MECOM: variants seen among roughly 807,000 people sequenced by gnomAD.
MECOM encodes MDS1 and EVI1 complex locus, also known as histone-lysine N-methyltransferase MECOM.
MECOM carries 13 observed loss-of-function variants against 116.3 expected under a neutral mutation model. The observed-to-expected ratio is 0.11, with a 90% confidence interval of 0.07 to 0.18. The LOEUF (loss-of-function observed/expected upper bound fraction) is 0.18. Among genes scored for constraint, MECOM ranks in the 10% least tolerant of loss-of-function variants. The pLI is 1.00. For synonymous variants in MECOM, 528 were observed against 535.2 expected, an observed-to-expected ratio of 0.99 and a Z score of 0.19; for missense variants, 1,299 against 1,509.0, an observed-to-expected ratio of 0.86 and a Z score of 2.31.
intron 1 of MECOM, among the ~76,000 whole-genome samples, chr3:169,644,248 A>T (rs78897233): frequency 5.5e-5 from 2 of 36,392 alleles, no homozygotes. Flanking sequence ...TTATTTATTT[A>T]TTTATTTATT....
chr3:169,232,544 A>G (rs1308017440), intron 2 of MECOM, among the ~76,000 whole-genome samples: 2 of 152,068 alleles, frequency 1.3e-5, no homozygotes, highest in African/African-American at 4.8e-5. Context: ...CATCAGAAAC[A>G]CCAACAAAGA....
At chr3:169,190,410 G>A (rs1190470750) in intron 2 of MECOM, among the ~76,000 whole-genome samples, 1 of 151,896 alleles carries the variant, frequency 6.6e-6, no homozygotes, top group African/African-American at 2.4e-5. Flanking sequence ...CCTATTTTAT[G>A]ATCTATATCA....
At chr3:169,519,546 G>T (rs190311573) in intron 1 of MECOM, among the ~76,000 whole-genome samples, 2 of 152,320 alleles carry the variant, frequency 1.3e-5, no homozygotes, top group East Asian at 3.9e-4. Context: ...TGATACTGTG[G>T]TTTGTACTAT....
intron 1 of MECOM, among the ~76,000 whole-genome samples, chr3:169,506,584 A>G (rs537494639): frequency 6.6e-6 from 1 of 152,014 alleles, no homozygotes; most frequent in Non-Finnish European, 1.5e-5. Flanking sequence ...TGATTTACCT[A>G]TCTTTAAAAA....
At chr3:169,350,685 C>T (rs1048257886) in intron 2 of MECOM, among the ~76,000 whole-genome samples, 4 of 151,760 alleles carry the variant, frequency 2.6e-5, no homozygotes, top group Non-Finnish European at 5.9e-5. Flanking sequence ...TTAAATTATA[C>T]CTTTTTTTTA....
intron 1 of MECOM, among the ~76,000 whole-genome samples, chr3:169,478,220 A>T (rs1188772053): frequency 1.3e-5 from 2 of 152,196 alleles, no homozygotes; most frequent in Admixed American, 1.3e-4. Flanking sequence ...TACATAAAGG[A>T]TGTTGCATGT....
intron 1 of MECOM, among the ~76,000 whole-genome samples, chr3:169,501,612 T>G (rs1754544359): frequency 1.3e-5 from 2 of 152,098 alleles, no homozygotes; most frequent in South Asian, 2.1e-4. Flanking sequence ...CAAGCAAGTC[T>G]GCAATTAACA....
At chr3:169,332,568 A>C (rs1275789024) in intron 2 of MECOM, among the ~76,000 whole-genome samples, 1 of 152,178 alleles carries the variant, frequency 6.6e-6, no homozygotes, top group Non-Finnish European at 1.5e-5. Context: ...TACATGGTTT[A>C]CACAATATAA....
intron 2 of MECOM, among the ~76,000 whole-genome samples, chr3:169,240,118 T>G (rs1754598922): frequency 6.6e-6 from 1 of 152,218 alleles, no homozygotes; most frequent in Non-Finnish European, 1.5e-5. Context: ...GAAACTGGTT[T>G]TATGATTATA....
chr3:169,494,346 C>T (rs2108937110), intron 1 of MECOM, among the ~76,000 whole-genome samples: 1 of 152,188 alleles, frequency 6.6e-6, no homozygotes, highest in East Asian at 1.9e-4. Flanking sequence ...CTCTCTGGCT[C>T]CCAAGGGCGT....
At chr3:169,415,759 C>A (rs1738477353) in intron 1 of MECOM, among the ~76,000 whole-genome samples, 1 of 151,400 alleles carries the variant, frequency 6.6e-6, no homozygotes. Flanking sequence ...GACTTTAAAC[C>A]AACAAATATA....
At chr3:169,641,100 G>A (rs1773428227) in intron 1 of MECOM, among the ~76,000 whole-genome samples, 1 of 152,176 alleles carries the variant, frequency 6.6e-6, no homozygotes, top group Non-Finnish European at 1.5e-5. Context: ...CCCTAAGATT[G>A]GAGTTCAGGC....
At chr3:169,452,574 A>G (rs1223537152) in intron 1 of MECOM, among the ~76,000 whole-genome samples, 4 of 152,188 alleles carry the variant, frequency 2.6e-5, no homozygotes, top group Non-Finnish European at 5.9e-5. Context: ...CTAGACACAA[A>G]GGGGATGTGT....
rs557995680 is a variant in MECOM, at chr3:169,622,230, C to T, written c.37+41106G>A. On this transcript the variant is annotated intron_variant, in intron 1 of 16. Coordinates refer to ENST00000651503, the MANE Select transcript of MECOM (RefSeq NM_004991.4). ...TCAGCCTCCCGAGTAGCTGGGATTA[C>T]AGGCACCCGCCACCATGCCCGGCTA... is the stretch of plus-strand genomic sequence containing the variant. 1.7e-3 allele frequency among the ~76,000 whole-genome samples: 259 copies of T among 152,200 alleles called. 1 individual carries two copies. Among genetic ancestry groups the T allele is most frequent in the Admixed American group, 3.3e-3 (50 of 15,284 alleles).
At chr3:169,438,164 G>A (rs971182575) in intron 1 of MECOM, among the ~76,000 whole-genome samples, 3 of 152,140 alleles carry the variant, frequency 2.0e-5, no homozygotes, top group Admixed American at 1.3e-4. Flanking sequence ...GAGCCCACGC[G>A]CTTTATCCCT....
chr3:169,404,415 T>C (rs551624330), intron 1 of MECOM, among the ~76,000 whole-genome samples: 1 of 151,924 alleles, frequency 6.6e-6, no homozygotes, highest in Admixed American at 6.6e-5. Flanking sequence ...TAAAAAAAAA[T>C]TTTTAAGGCT....
At chr3:169,489,034 T>C (rs1752752246) in intron 1 of MECOM, among the ~76,000 whole-genome samples, 1 of 152,072 alleles carries the variant, frequency 6.6e-6, no homozygotes, top group African/African-American at 2.4e-5. Flanking sequence ...ATGAAAACAT[T>C]AGTAATTTAA....
At chr3:169,289,019 G>A (rs1027717775) in intron 2 of MECOM, among the ~76,000 whole-genome samples, 2 of 152,180 alleles carry the variant, frequency 1.3e-5, no homozygotes, top group African/African-American at 4.8e-5. Context: ...GCTGGTGGAC[G>A]TCGTTGCATT....
chr3:169,467,002 C>A (rs138847570), intron 1 of MECOM: 1 of 152,136 alleles, frequency 6.6e-6, no homozygotes, highest in African/African-American at 2.4e-5. Context: ...TGATAGTAAT[C>A]GTTAATTGAG....
Sources: allele counts gnomAD v4.1 joint callset (sites outside exome capture counted in the v4.1 genomes callset), GRCh38; gene constraint gnomAD v4.1.1; transcripts MANE v1.5; gene names NCBI Gene and HGNC (gene_info 2026-07-23, HGNC 2026-07-21).